Variants in DAB2IP observed in about 807,000 individuals in gnomAD.
DAB2IP encodes the protein DAB2 interacting protein.
In DAB2IP, 28 loss-of-function variants were observed where a neutral mutation model predicts 107.2. That is an observed-to-expected ratio of 0.26 (90% confidence interval 0.19 to 0.36). The LOEUF is 0.36. Among genes scored for constraint, DAB2IP ranks in the 10% least tolerant of loss-of-function variants. DAB2IP has a pLI of 1.00. For missense variants in DAB2IP, 1,400 were observed against 1,644.7 expected, an observed-to-expected ratio of 0.85 and a Z score of 2.57; for synonymous variants, 755 against 706.4, an observed-to-expected ratio of 1.07 and a Z score of -1.09.
In DAB2IP at chr9:121,701,162, G is replaced by C. The variant is rs1462458581; in HGVS notation, c.362+1704G>C. On this transcript the variant is annotated intron_variant, in intron 3 of 15. Coordinates refer to ENST00000408936, the Ensembl canonical transcript of DAB2IP. The surrounding 1 kb of genome is among the most constrained non-coding windows in gnomAD (Gnocchi z 4.7). ...TGTGGTGGTTGTCCGGGGAGCAGGA[G>C]AGACAACAGGCAGTCCGGCTTCTGA... Among the ~76,000 whole-genome samples, 5 of 152,242 alleles carry C rather than the reference G, an allele frequency of 3.3e-5. No homozygotes were observed. In the South Asian group the frequency reaches 8.3e-4, roughly 25 times the overall value.
intron 5 of DAB2IP, 24 bp from the exon 6 acceptor site, chr9:121,759,861 C>T (rs994784507): frequency 1.3e-6 from 2 of 1,594,726 alleles, no homozygotes; most frequent in Non-Finnish European, 1.7e-6. Flanking sequence ...CAGCTGACCA[C>T]CCTGGACCCC....
At chr9:121,603,684 T>C (rs1830768893) in intron 1 of DAB2IP, among the ~76,000 whole-genome samples, 1 of 152,186 alleles carries the variant, frequency 6.6e-6, no homozygotes, top group African/African-American at 2.4e-5. Flanking sequence ...ACGATCAGGC[T>C]GTGTGATCTT....
chr9:121,740,094 A>G (rs945209488), intron 3 of DAB2IP, among the ~76,000 whole-genome samples: 4 of 152,130 alleles, frequency 2.6e-5, no homozygotes, highest in African/African-American at 9.7e-5. Context: ...GGTGGCGGGG[A>G]CAGCAGTGAG....
At chr9:121,593,291 G>A (rs143151968) in intron 1 of DAB2IP, among the ~76,000 whole-genome samples, 49 of 152,188 alleles carry the variant, frequency 3.2e-4, no homozygotes, top group Admixed American at 1.3e-3. Context: ...TTCTTGAGAC[G>A]GAGTCTCACT....
intron 3 of DAB2IP, among the ~76,000 whole-genome samples, chr9:121,734,989 GTTT>G: frequency 6.6e-6 from 1 of 152,178 alleles, no homozygotes; most frequent in Non-Finnish European, 1.5e-5. Context: ...TTCCTTGTTG[GTTT>G]GGCTGCTCTG....
chr9:121,720,569 G>A (rs1360631305), intron 3 of DAB2IP, among the ~76,000 whole-genome samples: 1 of 152,190 alleles, frequency 6.6e-6, no homozygotes, highest in East Asian at 1.9e-4. Context: ...CTGTCAGCCA[G>A]GGAGGGGCAG....
upstream of DAB2IP, among the ~76,000 whole-genome samples, chr9:121,650,118 G>A (rs946244239): frequency 2.0e-5 from 3 of 152,224 alleles, no homozygotes; most frequent in African/African-American, 7.2e-5. Context: ...GAAGCCAAAA[G>A]ATTGGGCACC....
chr9:121,685,625 C>T (rs1050948913), intron 2 of DAB2IP, among the ~76,000 whole-genome samples: 10 of 152,242 alleles, frequency 6.6e-5, no homozygotes, highest in Non-Finnish European at 1.3e-4. Context: ...GCGGTGTGAA[C>T]GAACTTACTT....
At chr9:121,625,009 C>G (rs1005536535) in intron 1 of DAB2IP, among the ~76,000 whole-genome samples, 1 of 152,176 alleles carries the variant, frequency 6.6e-6, no homozygotes, top group South Asian at 2.1e-4. Context: ...CTGCCTGCCC[C>G]GTCCAGGGCA....
chr9:121,615,567 A>G (rs1831241729), intron 1 of DAB2IP, among the ~76,000 whole-genome samples: 1 of 152,142 alleles, frequency 6.6e-6, no homozygotes. Context: ...TGAGTGTCCA[A>G]GGCTGGGTGG....
intron 10 of DAB2IP, 126 bp downstream of exon 10, chr9:121,768,759 C>T: frequency 8.6e-7 from 1 of 1,163,758 alleles, no homozygotes; most frequent in Non-Finnish European, 1.2e-6. Flanking sequence ...CAGGTCCTGT[C>T]AGAACACACT....
intron 1 of DAB2IP, among the ~76,000 whole-genome samples, chr9:121,612,217 C>G (rs113610919): frequency 0.024 from 3,615 of 151,834 alleles, 152 homozygotes; most frequent in African/African-American, 0.082. Context: ...ACTCTGGAGG[C>G]TGAGGTGGGA....
Position 121,766,478 on chromosome 9 carries a change from G to T in DAB2IP, c.1461-16G>T. ...CTGCCTGACAGCCAAGCCCACCTTTGTCTGTCCCTACACAGTGTCTTCCCA... is the reference window on the plus strand; with the variant it reads ...CTGCCTGACAGCCAAGCCCACCTTTTTCTGTCCCTACACAGTGTCTTCCCA... On this transcript the variant is annotated splice_polypyrimidine_tract_variant and intron_variant, in intron 8 of 15. Coordinates refer to ENST00000408936, the Ensembl canonical transcript of DAB2IP. The T allele has an allele frequency of 6.3e-7, 1 of 1,599,396 alleles. No individual in the cohort carries two copies.
At chr9:121,603,663 A>AG (rs1310285501) in intron 1 of DAB2IP, among the ~76,000 whole-genome samples, 2 of 152,124 alleles carry the variant, frequency 1.3e-5, no homozygotes, top group African/African-American at 4.8e-5. Context: ...GGAAGCTTGA[A>AG]GACCTGGGCC....
intron 1 of DAB2IP, among the ~76,000 whole-genome samples, chr9:121,573,576 G>GT (rs201658680): frequency 0.023 from 3,538 of 151,704 alleles, 71 homozygotes; most frequent in Non-Finnish European, 0.038. Context: ...TAGAGATGGG[G>GT]TTTTGCCATG....
intron 1 of DAB2IP, among the ~76,000 whole-genome samples, chr9:121,613,275 G>A (rs921717185): frequency 2.6e-5 from 4 of 152,114 alleles, no homozygotes; most frequent in Non-Finnish European, 4.4e-5. Flanking sequence ...TTTAGCTTGG[G>A]ACCCACCTTA....
At chr9:121,710,047 C>T (rs906988076) in intron 3 of DAB2IP, among the ~76,000 whole-genome samples, 1 of 152,052 alleles carries the variant, frequency 6.6e-6, no homozygotes, top group Non-Finnish European at 1.5e-5. Context: ...GCCAAGGAAG[C>T]GTGAGTTGCA....
At chr9:121,721,701 G>T (rs1475312874) in intron 3 of DAB2IP, among the ~76,000 whole-genome samples, 1 of 152,242 alleles carries the variant, frequency 6.6e-6, no homozygotes, top group Non-Finnish European at 1.5e-5. Flanking sequence ...TGTCAACACT[G>T]TGTGGGCTAA....
intron 3 of DAB2IP, among the ~76,000 whole-genome samples, chr9:121,734,041 C>T (rs926382959): frequency 3.9e-5 from 6 of 152,200 alleles, no homozygotes; most frequent in Non-Finnish European, 8.8e-5. Flanking sequence ...CTACACGTGG[C>T]CAAGAATGGT....
Sources: allele counts gnomAD v4.1 joint callset (sites outside exome capture counted in the v4.1 genomes callset), GRCh38; gene constraint gnomAD v4.1.1; non-coding constraint Gnocchi (gnomAD v3.1); transcripts MANE v1.5; gene names NCBI Gene and HGNC (gene_info 2026-07-23, HGNC 2026-07-21).